Variants in MGAT4C observed in about 807,000 individuals in gnomAD.
The protein encoded by MGAT4C is MGAT4 family member C.
MGAT4C carries 19 observed loss-of-function variants against 40.1 expected under a neutral mutation model. The observed-to-expected ratio is 0.47, with a 90% confidence interval of 0.33 to 0.70. The LOEUF (loss-of-function observed/expected upper bound fraction) is 0.70. Among genes scored for constraint, MGAT4C ranks in the 30% least tolerant of loss-of-function variants. MGAT4C has a pLI of 0.02. For synonymous variants in MGAT4C, 181 were observed against 187.1 expected, an observed-to-expected ratio of 0.97 and a Z score of 0.27; for missense variants, 491 against 563.2, an observed-to-expected ratio of 0.87 and a Z score of 1.30.
chr12:86,356,252 A>C (rs1955307103), intron 3 of MGAT4C, among the ~76,000 whole-genome samples: 1 of 152,214 alleles, frequency 6.6e-6, no homozygotes, highest in Non-Finnish European at 1.5e-5. Flanking sequence ...CAACGGCAAC[A>C]AAAAGAGAGG....
chr12:86,573,671 T>C (rs1054981273), intron 2 of MGAT4C, among the ~76,000 whole-genome samples: 6 of 152,028 alleles, frequency 3.9e-5, no homozygotes, highest in African/African-American at 1.4e-4. Flanking sequence ...GCAATTAGTA[T>C]GTGTTCACTA....
chr12:86,627,229 C>A (rs368273080), intron 2 of MGAT4C, among the ~76,000 whole-genome samples: 1 of 152,142 alleles, frequency 6.6e-6, no homozygotes, highest in African/African-American at 2.4e-5. Context: ...ATCTTGAACT[C>A]GGTGGAGCCC....
intron 3 of MGAT4C, among the ~76,000 whole-genome samples, chr12:86,394,243 AT>A (rs759154095): frequency 4.6e-5 from 7 of 152,096 alleles, no homozygotes; most frequent in Non-Finnish European, 5.9e-5. Context: ...AACGCTGTCC[AT>A]CAGACTATCC....
At chr12:86,398,475 C>T (rs1012217038) in intron 3 of MGAT4C, among the ~76,000 whole-genome samples, 4 of 152,034 alleles carry the variant, frequency 2.6e-5, no homozygotes, top group South Asian at 2.1e-4. Flanking sequence ...TGATCATATA[C>T]TATCATAGTA....
chr12:86,262,064 T>C (rs1952669442), intron 4 of MGAT4C, among the ~76,000 whole-genome samples: 1 of 152,086 alleles, frequency 6.6e-6, no homozygotes, highest in Non-Finnish European at 1.5e-5. Context: ...TTTAATATAG[T>C]TTACAATGTC....
At chr12:86,351,470 C>T (rs1374683673) in intron 3 of MGAT4C, among the ~76,000 whole-genome samples, 1 of 151,842 alleles carries the variant, frequency 6.6e-6, no homozygotes, top group Non-Finnish European at 1.5e-5. Flanking sequence ...TAAATTATAA[C>T]AAAATAAATG....
chr12:86,359,419 A>G (rs899741102), intron 3 of MGAT4C, among the ~76,000 whole-genome samples: 10 of 152,302 alleles, frequency 6.6e-5, no homozygotes, highest in African/African-American at 2.4e-4. Flanking sequence ...TAAAAGAACT[A>G]GAGAAGCAAG....
chr12:86,455,858 C>A (rs1264295687), intron 2 of MGAT4C, among the ~76,000 whole-genome samples: 1 of 151,996 alleles, frequency 6.6e-6, no homozygotes, highest in Non-Finnish European at 1.5e-5. Flanking sequence ...GTGGTTCTTT[C>A]ATTCAGTACC....
At chr12:86,490,455 G>A (rs989276366) in intron 2 of MGAT4C, among the ~76,000 whole-genome samples, 12 of 151,976 alleles carry the variant, frequency 7.9e-5, no homozygotes, top group Admixed American at 7.2e-4. Flanking sequence ...ACCGGTACCA[G>A]CCACTGCAAA....
chr12:86,771,686 A>G (rs943822150), intron 1 of MGAT4C, among the ~76,000 whole-genome samples: 1 of 146,756 alleles, frequency 6.8e-6, no homozygotes. Context: ...ATAAATATAT[A>G]TGTGTGTGTG....
At chr12:86,644,102 A>C (rs532766544) in intron 2 of MGAT4C, among the ~76,000 whole-genome samples, 42 of 151,726 alleles carry the variant, frequency 2.8e-4, no homozygotes, top group African/African-American at 9.9e-4. Context: ...TTTTATAATC[A>C]CTTTGATTAT....
chr12:86,549,065 A>C (rs763498385), intron 2 of MGAT4C, among the ~76,000 whole-genome samples: 2 of 152,142 alleles, frequency 1.3e-5, no homozygotes, highest in Non-Finnish European at 2.9e-5. Context: ...TACAATATGG[A>C]AAATCCTTAA....
chr12:86,544,778 C>T (rs1959184526), intron 2 of MGAT4C, among the ~76,000 whole-genome samples: 1 of 151,956 alleles, frequency 6.6e-6, no homozygotes. Flanking sequence ...GATACAAATG[C>T]TTATTTCCTG....
At chr12:86,626,548 G>C (rs1273174720) in intron 2 of MGAT4C, among the ~76,000 whole-genome samples, 1 of 152,178 alleles carries the variant, frequency 6.6e-6, no homozygotes, top group Admixed American at 6.5e-5. Context: ...TAAGATAAAA[G>C]AGAATGGATC....
At chr12:86,013,722 C>T (rs1888755999) in intron 2 of MGAT4C, 1 of 982,900 alleles carries the variant, frequency 1.0e-6, no homozygotes. Context: ...ACAAAAAGAA[C>T]ATACGGCTTT....
chr12:86,333,426 A>G (rs1954716167), intron 4 of MGAT4C, among the ~76,000 whole-genome samples: 1 of 152,020 alleles, frequency 6.6e-6, no homozygotes, highest in Admixed American at 6.6e-5. Flanking sequence ...TTGCTCTTTT[A>G]CTTTTATTTT....
Position 86,553,853 on chromosome 12 carries a change from T to C in MGAT4C, c.-228-118588A>G, listed in dbSNP as rs188948201. Among the ~76,000 whole-genome samples, 287 of 152,278 alleles carry C rather than the reference T, an allele frequency of 1.9e-3. 1 individual carries two copies. The highest frequency in any genetic ancestry group is 6.8e-3 in the Middle Eastern group (2 of 294). On this transcript the variant is annotated intron_variant, in intron 2 of 7. Coordinates refer to the MGAT4C transcript ENST00000548651. ...ACTCATCTAAGCATAAATATATGAA[T>C]ACCTGCCTCTGAGTTTACAAATTAA...
At chr12:86,089,279 G>A (rs191326529) in intron 1 of MGAT4C, among the ~76,000 whole-genome samples, 1 of 151,816 alleles carries the variant, frequency 6.6e-6, no homozygotes, top group Non-Finnish European at 1.5e-5. Context: ...ATTTTGAAAA[G>A]TGTTTCTTAT....
At chr12:86,044,284 C>T (rs1892172347) in intron 2 of MGAT4C, among the ~76,000 whole-genome samples, 1 of 152,184 alleles carries the variant, frequency 6.6e-6, no homozygotes, top group Non-Finnish European at 1.5e-5. Context: ...CAGTCCATAA[C>T]AATCCCATGG....
Sources: gnomAD v4.1 joint callset for allele counts (sites outside exome capture counted in the v4.1 genomes callset) on GRCh38, gnomAD v4.1.1 for gene constraint, MANE v1.5 for transcripts, NCBI Gene and HGNC (gene_info 2026-07-23, HGNC 2026-07-21) for gene names.